The following ESR1 variants were observed in gnomAD, a reference collection of about 807,000 sequenced individuals.
The protein encoded by ESR1 is estrogen receptor.
ESR1 carries 12 observed loss-of-function variants against 52.7 expected under a neutral mutation model. The ratio of observed to expected loss-of-function variants is 0.23; its 90% CI spans 0.15 to 0.37. The LOEUF (loss-of-function observed/expected upper bound fraction) is 0.37. ESR1 is among the 10% of genes least tolerant of loss of function. The probability of loss-of-function intolerance (pLI) is 1.00; values close to 1 mark genes in which losing one functional copy is unlikely to be tolerated. For missense variants in ESR1, 584 were observed against 779.7 expected, an observed-to-expected ratio of 0.75 and a Z score of 2.99; for synonymous variants, 305 against 316.8, an observed-to-expected ratio of 0.96 and a Z score of 0.39.
intron 2 of ESR1, among the ~76,000 whole-genome samples, chr6:151,767,860 T>C (rs779253581): frequency 1.9e-3 from 294 of 152,314 alleles, no homozygotes; most frequent in Non-Finnish European, 3.5e-3. Flanking sequence ...TGCAGAATAA[T>C]AGGAGACATT....
At chr6:151,955,254 T>C (rs2036773408) in intron 4 of ESR1, among the ~76,000 whole-genome samples, 1 of 152,168 alleles carries the variant, frequency 6.6e-6, no homozygotes, top group Non-Finnish European at 1.5e-5. Flanking sequence ...TAAACTAAAC[T>C]TAACATACCA....
chr6:151,849,117 C>T (rs1365701816), intron 2 of ESR1, among the ~76,000 whole-genome samples: 1 of 152,132 alleles, frequency 6.6e-6, no homozygotes, highest in East Asian at 1.9e-4. Flanking sequence ...GTAGTGTTAC[C>T]CTTCCACGAG....
At position 151,894,983 on chromosome 6, in the gene ESR1, A is replaced by G. The variant is rs183912299; in HGVS notation, c.760+14212A>G. Among the ~76,000 whole-genome samples the G allele has an allele frequency of 3.2e-3, 487 of 151,978 alleles. 2 individuals carry two copies. The highest frequency in any genetic ancestry group is 0.01 in the Middle Eastern group (3 of 294). ...GTTGTAGATTGCTTTTGGCAGTATG[A>G]TCATTTTCACAATATTGATTCTACT... On this transcript the variant is annotated intron_variant, in intron 3 of 7. Coordinates refer to ENST00000206249, the MANE Select transcript of ESR1 (RefSeq NM_000125.4).
chr6:151,948,082 C>T (rs9383599), intron 4 of ESR1, among the ~76,000 whole-genome samples: 1 of 152,048 alleles, frequency 6.6e-6, no homozygotes, highest in South Asian at 2.1e-4. Flanking sequence ...AATGTAATAT[C>T]ATTGAGCTGA....
intron 5 of ESR1, among the ~76,000 whole-genome samples, chr6:152,048,732 T>C (rs1358783635): frequency 1.3e-5 from 2 of 152,168 alleles, no homozygotes; most frequent in African/African-American, 4.8e-5. Flanking sequence ...CCATATACAA[T>C]GGACTAAAAA....
At chr6:151,664,082 C>G (rs1345678637) in intron 1 of ESR1, among the ~76,000 whole-genome samples, 1 of 152,118 alleles carries the variant, frequency 6.6e-6, no homozygotes, top group South Asian at 2.1e-4. Context: ...CCAGGTACAT[C>G]ACATTCTTGC....
chr6:151,979,020 T>C, intron 4 of ESR1, among the ~76,000 whole-genome samples: 1 of 152,156 alleles, frequency 6.6e-6, no homozygotes. Flanking sequence ...GAAACAATAA[T>C]AGTATGTAAG....
chr6:152,093,707 G>T (rs2050387955), intron 6 of ESR1, among the ~76,000 whole-genome samples: 1 of 152,108 alleles, frequency 6.6e-6, no homozygotes, highest in African/African-American at 2.4e-5. Context: ...TTTTCAAGTG[G>T]CCTATCCCCA....
At chr6:151,825,148 C>G (rs755754012) in intron 1 of ESR1, among the ~76,000 whole-genome samples, 5 of 152,098 alleles carry the variant, frequency 3.3e-5, no homozygotes, top group Non-Finnish European at 7.3e-5. Context: ...AACCTCCTGT[C>G]TAGATAAACA....
chr6:151,691,319 A>G (rs1189678317), intron 1 of ESR1, among the ~76,000 whole-genome samples: 5 of 152,140 alleles, frequency 3.3e-5, no homozygotes, highest in Admixed American at 2.0e-4. Flanking sequence ...TGACTCCACC[A>G]CATATAGCAG....
intron 2 of ESR1, among the ~76,000 whole-genome samples, chr6:151,753,410 G>A (rs1016105864): frequency 1.2e-4 from 18 of 150,518 alleles, no homozygotes; most frequent in African/African-American, 2.9e-4. Context: ...CTCCACCTCC[G>A]TGGTTCAAGC....
chr6:151,955,764 G>A (rs1282358727), intron 4 of ESR1, among the ~76,000 whole-genome samples: 1 of 152,136 alleles, frequency 6.6e-6, no homozygotes, highest in Non-Finnish European at 1.5e-5. Flanking sequence ...ACATGTGCAA[G>A]TTTGTTATAT....
intron 5 of ESR1, among the ~76,000 whole-genome samples, chr6:152,054,372 A>T (rs930058667): frequency 1.3e-5 from 2 of 152,116 alleles, no homozygotes; most frequent in African/African-American, 2.4e-5. Context: ...CATTTGCTGA[A>T]ATCTTGTTGA....
intron 3 of ESR1, among the ~76,000 whole-genome samples, chr6:151,909,240 T>C (rs560977679): frequency 6.6e-6 from 1 of 152,326 alleles, no homozygotes; most frequent in African/African-American, 2.4e-5. Flanking sequence ...CCCTGTTCTT[T>C]GGCACAGCTT....
upstream of ESR1, among the ~76,000 whole-genome samples, chr6:151,686,327 C>T (rs775744864): frequency 2.0e-5 from 3 of 151,998 alleles, no homozygotes; most frequent in Non-Finnish European, 2.9e-5. Flanking sequence ...GCTCCGTTGT[C>T]GAACACTCTA....
intron 5 of ESR1, among the ~76,000 whole-genome samples, chr6:152,059,015 G>A (rs1197002118): frequency 3.9e-5 from 6 of 152,118 alleles, no homozygotes; most frequent in East Asian, 1.9e-4. Flanking sequence ...AGAAAAGAAC[G>A]TCTGTGAAAA....
intron 1 of ESR1, among the ~76,000 whole-genome samples, chr6:151,673,442 A>G (rs997443193): frequency 2.0e-5 from 3 of 152,216 alleles, no homozygotes; most frequent in African/African-American, 7.2e-5. Flanking sequence ...GTTTTCCACA[A>G]CTAATCAAAA....
chr6:152,039,904 G>C (rs780990146), intron 5 of ESR1, among the ~76,000 whole-genome samples: 5 of 152,184 alleles, frequency 3.3e-5, no homozygotes, highest in Non-Finnish European at 7.3e-5. Flanking sequence ...TAGCCATAAA[G>C]TGAGTGCCTT....
intron 4 of ESR1, among the ~76,000 whole-genome samples, chr6:151,980,614 A>G (rs1340769716): frequency 6.6e-6 from 1 of 152,216 alleles, no homozygotes; most frequent in Non-Finnish European, 1.5e-5. Flanking sequence ...GGACCAGATT[A>G]GACCAGCCAT....
Sources: gnomAD v4.1 joint callset for allele counts (sites outside exome capture counted in the v4.1 genomes callset) on GRCh38, gnomAD v4.1.1 for gene constraint, MANE v1.5 for transcripts, NCBI Gene and HGNC (gene_info 2026-07-23, HGNC 2026-07-21) for gene names.